SVOPL: variants seen among roughly 807,000 people sequenced by gnomAD.
The protein encoded by SVOPL is SVOP like.
A neutral mutation model predicts 61.0 loss-of-function variants in SVOPL; 60 were observed. The ratio of observed to expected loss-of-function variants is 0.98; its 90% CI spans 0.80 to 1.22. SVOPL has a LOEUF of 1.22. Ranked by LOEUF, SVOPL falls within the 50% of genes most tolerant of loss-of-function variation. The pLI is 0.00. For synonymous variants in SVOPL, 279 were observed against 250.0 expected, an observed-to-expected ratio of 1.12 and a Z score of -1.09; for missense variants, 662 against 643.9, an observed-to-expected ratio of 1.03 and a Z score of -0.30.
At chr7:138,623,827 T>G (rs1157492788) in intron 13 of SVOPL, among the ~76,000 whole-genome samples, 2 of 152,164 alleles carry the variant, frequency 1.3e-5, no homozygotes, top group Non-Finnish European at 2.9e-5. Flanking sequence ...GTCAATAATT[T>G]TTTTTTTCTT....
At chr7:138,619,403 G>A (rs1419548757) in intron 14 of SVOPL, among the ~76,000 whole-genome samples, 9 of 149,574 alleles carry the variant, frequency 6.0e-5, no homozygotes, top group Non-Finnish European at 1.0e-4. Context: ...CCTGTCTCTG[G>A]AAAAAGAAAA....
At chr7:138,697,041 T>C (rs1803078466) in intron 1 of SVOPL, among the ~76,000 whole-genome samples, 1 of 152,146 alleles carries the variant, frequency 6.6e-6, no homozygotes, top group Admixed American at 6.5e-5. Flanking sequence ...TGCACAATAT[T>C]GTGAATGTAC....
At chr7:138,652,758 G>A (rs952629798) in intron 7 of SVOPL, among the ~76,000 whole-genome samples, 8 of 151,968 alleles carry the variant, frequency 5.3e-5, no homozygotes, top group Non-Finnish European at 1.2e-4. Context: ...CCAAGTAGCT[G>A]GGATTACAGG....
At chr7:138,626,641 C>T (rs548929505) in intron 12 of SVOPL, among the ~76,000 whole-genome samples, 1 of 152,222 alleles carries the variant, frequency 6.6e-6, no homozygotes, top group South Asian at 2.1e-4. Context: ...GATCCACCTG[C>T]CTCAGCCTCC....
At chr7:138,610,239 C>CT (rs1469715707) in intron 14 of SVOPL, among the ~76,000 whole-genome samples, 1 of 151,050 alleles carries the variant, frequency 6.6e-6, no homozygotes, top group African/African-American at 2.5e-5. Context: ...CCTTCCTTTT[C>CT]TTTTCTTTCT....
rs944888133 is a variant in SVOPL at position 138,637,196 on chromosome 7, G to C, written c.790-7074C>G. On this transcript the variant is annotated intron_variant, in intron 9 of 15. Transcript: ENST00000674285. ...TAATCTCAGCACTTTGGGAAGTTGA[G>C]GTGGGTGTATCACTTGAGGCCAGGA... Among the ~76,000 whole-genome samples the C allele has an allele frequency of 7.9e-5, 12 of 152,030 alleles. 1 individual carries two copies. Among genetic ancestry groups the C allele is most frequent in the Non-Finnish European group, 1.8e-4 (12 of 68,018 alleles).
At chr7:138,605,986 T>G (rs950857149) in intron 14 of SVOPL, among the ~76,000 whole-genome samples, 1 of 149,580 alleles carries the variant, frequency 6.7e-6, no homozygotes, top group Non-Finnish European at 1.5e-5. Context: ...AAATAAATTT[T>G]TTTTTAAATT....
chr7:138,648,354 T>C (rs1801229170), intron 8 of SVOPL, among the ~76,000 whole-genome samples: 1 of 151,930 alleles, frequency 6.6e-6, no homozygotes, highest in Non-Finnish European at 1.5e-5. Flanking sequence ...CTCATGCCTG[T>C]AATCCCAGCA....
At chr7:138,659,584 A>T (rs1343694646) in intron 6 of SVOPL, among the ~76,000 whole-genome samples, 2 of 152,132 alleles carry the variant, frequency 1.3e-5, no homozygotes, top group Non-Finnish European at 2.9e-5. Flanking sequence ...GATGGAACCA[A>T]TGTAAATCTT....
intron 1 of SVOPL, among the ~76,000 whole-genome samples, chr7:138,696,236 C>CT (rs1343820164): frequency 2.0e-5 from 3 of 150,898 alleles, no homozygotes; most frequent in Non-Finnish European, 4.4e-5. Context: ...TTTCTTTTTT[C>CT]TTTTTTTGAG....
rs570637008 is a variant in SVOPL, at chr7:138,662,441, G to T, written c.345+633C>A. 1.2e-5 allele frequency: 12 copies of T among 985,362 alleles called. 1 individual carries two copies. The East Asian group carries it at 1.0e-3, about 84-fold the overall frequency. The allele number at this position is 985,362 out of a possible 1,614,324, so 61.0% of individuals were successfully genotyped here. A position where few individuals can be genotyped will look rare whatever the true frequency, so the allele number is the denominator to read the frequency against. Reference sequence around the variant, plus strand: ...CCCTCCCAACCTACTTGGGTGCTCTGGGGGGTTAGAGACTTTATGGACACT... The same window carrying T: ...CCCTCCCAACCTACTTGGGTGCTCTTGGGGGTTAGAGACTTTATGGACACT... On this transcript the variant is annotated intron_variant, in intron 5 of 15. Transcript: ENST00000674285.
In SVOPL at chr7:138,700,871, G is replaced by A. The variant is rs111382940; in HGVS notation, c.-35+307C>T. The stretch of plus-strand genomic sequence containing the variant: ...ACCTGGTGAGAAACTGATAGATTGG[G>A]GATTTTCCCTGAACTCAGATGGAGT... On this transcript the variant is annotated intron_variant, in intron 1 of 15. Coordinates refer to ENST00000674285, the MANE Select transcript of SVOPL (RefSeq NM_001139456.2). Among the ~76,000 whole-genome samples the A allele has an allele frequency of 4.9e-3, 745 of 152,212 alleles. 12 individuals carry two copies. Among genetic ancestry groups the A allele is most frequent in the African/African-American group, 0.017 (690 of 41,520 alleles).
intron 6 of SVOPL, among the ~76,000 whole-genome samples, chr7:138,658,665 A>T (rs992567414): frequency 1.6e-4 from 25 of 152,150 alleles, no homozygotes; most frequent in Admixed American, 1.2e-3. Flanking sequence ...TAGCCTTATG[A>T]ACAAAAAAGC....
chr7:138,604,669 C>CT (rs1272690648), intron 14 of SVOPL, among the ~76,000 whole-genome samples: 1 of 51,596 alleles, frequency 1.9e-5, no homozygotes. Context: ...CAGAGCAAAA[C>CT]TTTATCTCAA....
At chr7:138,688,036 C>G (rs902603649) in intron 1 of SVOPL, among the ~76,000 whole-genome samples, 3 of 151,988 alleles carry the variant, frequency 2.0e-5, no homozygotes, top group Non-Finnish European at 4.4e-5. Context: ...CTCTTGACCT[C>G]GTGATCCACC....
intron 10 of SVOPL, among the ~76,000 whole-genome samples, chr7:138,629,157 A>ATT (rs1563102486): frequency 1.1e-4 from 5 of 46,662 alleles, no homozygotes; most frequent in Non-Finnish European, 1.7e-4. Flanking sequence ...GTGTGTGTAT[A>ATT]TATGTATATA....
At chr7:138,662,547 CCA>C in intron 5 of SVOPL, 1 of 985,772 alleles carries the variant, frequency 1.0e-6, no homozygotes, top group Non-Finnish European at 1.2e-6. Context: ...TAAATGAAAA[CCA>C]GAGGAAAAAA....
rs564267291 is a variant in SVOPL at position 138,621,117 on chromosome 7, G to A, written c.1282C>T (p.Arg428Cys). ...CCGCTGGTTCCCATCCCCAAAGCGC[G>A]CATCGTGGTGGGGTAGACCTGCAGG... ...YTAEVYPTTM[R>C]ALGMGTSGSL... The change falls in exon 14 of 16, where the codon CGC becomes TGC. Residue 428 changes from arginine (R) to cysteine (C), a missense_variant. Arg to Cys is a radical substitution (Grantham distance 180). Coordinates refer to ENST00000674285, the MANE Select transcript of SVOPL (RefSeq NM_001139456.2). 121 of 1,613,488 alleles carry A rather than the reference G, an allele frequency of 7.5e-5. No individual in the cohort carries two copies. The highest frequency in any genetic ancestry group is 9.5e-5 in the Non-Finnish European group (112 of 1,179,808).
At position 138,689,183 on chromosome 7, in the gene SVOPL, C is replaced by G. The variant is rs1038652258; in HGVS notation, c.-34-10104G>C. 20 of 1,095,234 alleles carry G rather than the reference C, an allele frequency of 1.8e-5. No homozygotes were observed. The African/African-American group carries it at 2.0e-4, about 11-fold the overall frequency. The allele number at this position is 1,095,234 out of a possible 1,614,324, so 67.8% of individuals were successfully genotyped here. A position where few individuals can be genotyped will look rare whatever the true frequency, so the allele number is the denominator to read the frequency against. On this transcript the variant is annotated intron_variant, in intron 1 of 15. Transcript: ENST00000674285. ...TCCGATGTTACAATGGTGGAGTGGG[C>G]AGGTGTGCCCAGGCCAAGCAGTGGG...
Sources: gnomAD v4.1 joint callset for allele counts (sites outside exome capture counted in the v4.1 genomes callset) on GRCh38, gnomAD v4.1.1 for gene constraint, MANE v1.5 for transcripts, NCBI Gene and HGNC (gene_info 2026-07-23, HGNC 2026-07-21) for gene names.